PTPRF: variants seen among roughly 807,000 people sequenced by gnomAD.
PTPRF encodes protein tyrosine phosphatase receptor type F.
PTPRF carries 59 observed loss-of-function variants against 201.8 expected under a neutral mutation model. The observed-to-expected ratio is 0.29, with a 90% CI of 0.24 to 0.36. The LOEUF (loss-of-function observed/expected upper bound fraction) is 0.36, where lower values mean the gene tolerates loss of function less well. Ranked by LOEUF, PTPRF falls within the 10% of genes least tolerant of loss-of-function variation. The probability of loss-of-function intolerance (pLI) is 1.00; values close to 1 mark genes in which losing one functional copy is unlikely to be tolerated. For missense variants in PTPRF, 2,132 were observed against 2,690.5 expected, an observed-to-expected ratio of 0.79 and a Z score of 4.59; for synonymous variants, 1,088 against 1,089.7, an observed-to-expected ratio of 1.00 and a Z score of 0.03.
intron 7 of PTPRF, chr1:43,579,137 G>A (rs777868570): frequency 1.7e-5 from 12 of 704,830 alleles, no homozygotes; most frequent in Non-Finnish European, 2.9e-5. Flanking sequence ...AGGCCCATGG[G>A]GAAGCAGCCA....
At chr1:43,592,723 A>G (rs575174347) in intron 11 of PTPRF, 122 bp downstream of exon 11, 5 of 1,203,790 alleles carry the variant, frequency 4.2e-6, no homozygotes, top group Admixed American at 6.7e-5. Flanking sequence ...GCCAAACCGA[A>G]CTCTGGCCTG....
At chr1:43,620,000 G>T (rs556959699) in intron 29 of PTPRF, 95 bp from the exon 30 acceptor site, 2 of 1,577,460 alleles carry the variant, frequency 1.3e-6, no homozygotes, top group East Asian at 4.5e-5. Context: ...TGGAGGAGGG[G>T]TGATCTGAGC....
At chr1:43,621,306 T>G in intron 33 of PTPRF, 74 bp downstream of exon 33, 2 of 1,564,966 alleles carry the variant, frequency 1.3e-6, no homozygotes. Context: ...TAGCAACAGT[T>G]TGATGCCCAC....
chr1:43,587,710 G>T (rs541078747), intron 7 of PTPRF, among the ~76,000 whole-genome samples: 5 of 152,180 alleles, frequency 3.3e-5, no homozygotes, highest in Non-Finnish European at 7.4e-5. Flanking sequence ...TTGGCCCTGC[G>T]TGTGAGAGTG....
chr1:43,603,819 C>A lies in PTPRF; in HGVS notation c.2667C>A (p.Ile889=). The A allele has an allele frequency of 6.2e-7, 1 of 1,614,172 alleles. No individual in the cohort carries two copies. Among genetic ancestry groups the A allele is most frequent in the Non-Finnish European group, 8.5e-7 (1 of 1,180,044 alleles). The change falls in exon 16 of 34, where the codon ATC becomes ATA. Residue 889 remains isoleucine, a synonymous_variant. Coordinates refer to ENST00000359947, the MANE Select transcript of PTPRF (RefSeq NM_002840.5). This position sits in a 1 kb window ranked among gnomAD's most constrained non-coding sequence, Gnocchi z 5.8. ...VTGLHKGTTY[I]FRLAAKNRAG... is the part of the protein sequence containing the mutation. ...GCCTGCACAAGGGGACCACCTACAT[C>A]TTCCGGCTTGCTGCCAAGAACCGGG...
chr1:43,586,374 GC>G (rs1649150564), intron 7 of PTPRF, among the ~76,000 whole-genome samples: 1 of 152,246 alleles, frequency 6.6e-6, no homozygotes, highest in Non-Finnish European at 1.5e-5. Context: ...CATCTCCAGA[GC>G]AGAGGGAGGG....
chr1:43,563,293 C>T (rs768125143), intron 5 of PTPRF, among the ~76,000 whole-genome samples: 35 of 151,914 alleles, frequency 2.3e-4, no homozygotes, highest in Non-Finnish European at 4.6e-4. Context: ...GTGGGGGTGC[C>T]ATTTCTAAGA....
At chr1:43,617,694 G>C (rs373804875) in intron 24 of PTPRF, 42 bp from the exon 25 acceptor site, 184 of 1,602,478 alleles carry the variant, frequency 1.1e-4, no homozygotes, top group Middle Eastern at 3.3e-4. Flanking sequence ...CTGGGCTGGG[G>C]ACCCTGTAGT....
intron 5 of PTPRF, among the ~76,000 whole-genome samples, chr1:43,558,670 G>A (rs1027476215): frequency 2.6e-5 from 4 of 152,216 alleles, no homozygotes; most frequent in Non-Finnish European, 5.9e-5. Context: ...TCTTGAGGCG[G>A]CGGCTGAATC....
chr1:43,589,695 GAAAAAA>G lies in PTPRF; in HGVS notation c.949+711_949+716del, dbSNP rs55816248. ...AACGTAGTGAGACCCCCATCTCTACGAAAAAAAAAAAAAAAAAAAAACTGGGCATGG... is the reference window on the plus strand; with the variant it reads ...AACGTAGTGAGACCCCCATCTCTACGAAAAAAAAAAAAAAACTGGGCATGG... On this transcript the variant is annotated intron_variant, in intron 8 of 33. Coordinates refer to ENST00000359947, the MANE Select transcript of PTPRF (RefSeq NM_002840.5). Among the ~76,000 whole-genome samples the G allele has an allele frequency of 5.5e-3, 581 of 106,574 alleles. 14 individuals are homozygous for G. The East Asian group carries it at 0.084, about 15-fold the overall frequency. The allele number at this position is 106,574 out of a possible 152,430, so 69.9% of individuals were successfully genotyped here.
chr1:43,584,022 A>G (rs1648460151), intron 7 of PTPRF, among the ~76,000 whole-genome samples: 2 of 152,160 alleles, frequency 1.3e-5, no homozygotes, highest in Admixed American at 1.3e-4. Flanking sequence ...ACTCAGCCAC[A>G]GGTTAGGAAG....
At chr1:43,615,031 A>G (rs1657407576) in intron 23 of PTPRF, among the ~76,000 whole-genome samples, 2 of 151,986 alleles carry the variant, frequency 1.3e-5, no homozygotes, top group Non-Finnish European at 2.9e-5. Context: ...TGGACAGGCA[A>G]TTGAGGGGTT....
chr1:43,541,818 C>T (rs1027624829), intron 2 of PTPRF, among the ~76,000 whole-genome samples: 2 of 152,072 alleles, frequency 1.3e-5, no homozygotes, highest in Non-Finnish European at 2.9e-5. Flanking sequence ...AATATCATAC[C>T]GTATGTAATT....
At chr1:43,575,958 C>T (rs1172855243) in intron 6 of PTPRF, 1 of 1,363,796 alleles carries the variant, frequency 7.3e-7, no homozygotes, top group Non-Finnish European at 9.8e-7. Flanking sequence ...TCTCGCCACA[C>T]CACGCCTTGC....
At chr1:43,579,614 A>G (rs141912370) in intron 7 of PTPRF, 12 of 266,460 alleles carry the variant, frequency 4.5e-5, no homozygotes, top group East Asian at 3.0e-4. Context: ...GGGGTTTCCA[A>G]TCTCTGCTAT....
At chr1:43,585,185 T>C (rs3828150) in intron 7 of PTPRF, among the ~76,000 whole-genome samples, 115,524 of 152,088 alleles carry the variant, frequency 0.76, 44,266 homozygotes, top group Non-Finnish European at 0.78. Context: ...GTGAGGCCTG[T>C]TCCTTTTTGG....
chr1:43,594,617 A>G (rs1651791383), intron 11 of PTPRF, among the ~76,000 whole-genome samples: 1 of 152,126 alleles, frequency 6.6e-6, no homozygotes, highest in South Asian at 2.1e-4. Flanking sequence ...GGTGGATCTG[A>G]GAACTGTCAG....
Position 43,618,642 on chromosome 1 carries a change from C to G in PTPRF, c.4384C>G (p.Gln1462Glu), listed in dbSNP as rs903062795. ...CATCCTCCTGCAGGTAAAATGTGAT[C>G]AGTACTGGCCAGCCCGTGGCACCGA... The part of the protein sequence containing the change: ...LEEKSRVKCD[Q>E]YWPARGTETC... Residue 1462 changes from glutamine to glutamate, a missense_variant, in exon 26 of 34, where the codon CAG (glutamine) becomes GAG (glutamate). Coordinates refer to ENST00000359947, the MANE Select transcript of PTPRF (RefSeq NM_002840.5). 1.2e-6 allele frequency: 2 copies of G among 1,602,332 alleles called. No homozygotes were observed. The highest frequency in any genetic ancestry group is 2.7e-5 in the African/African-American group (2 of 74,670).
intron 23 of PTPRF, among the ~76,000 whole-genome samples, chr1:43,615,150 A>T (rs1329791989): frequency 6.6e-6 from 1 of 152,184 alleles, no homozygotes; most frequent in African/African-American, 2.4e-5. Context: ...GCTGTGGGCC[A>T]GGTTTCTGAA....
Sources: allele counts gnomAD v4.1 joint callset (sites outside exome capture counted in the v4.1 genomes callset), GRCh38; gene constraint gnomAD v4.1.1; non-coding constraint Gnocchi (gnomAD v3.1); transcripts MANE v1.5; gene names NCBI Gene and HGNC (gene_info 2026-07-23, HGNC 2026-07-21).